Variants in PARVA observed in about 807,000 individuals in gnomAD.
The protein encoded by PARVA is alpha-parvin.
A neutral mutation model predicts 52.6 loss-of-function variants in PARVA; 25 were observed. That is an observed-to-expected ratio of 0.48 (90% CI 0.35 to 0.66). The LOEUF (loss-of-function observed/expected upper bound fraction) is 0.66, where lower values mean the gene tolerates loss of function less well. Among genes scored for constraint, PARVA ranks in the 30% least tolerant of loss-of-function variants. The pLI, the probability that PARVA is intolerant of heterozygous loss-of-function variation, is 0.01. For missense variants in PARVA, 373 were observed against 450.9 expected (o/e 0.83, Z 1.56); for synonymous variants, 185 against 179.1 (o/e 1.03, Z -0.26).
Position 12,533,417 on chromosome 11 carries a change from G to GC in PARVA, c.*5493dup, listed in dbSNP as rs1479613412. On this transcript the variant is annotated 3_prime_UTR_variant, in exon 13 of 13. Transcript: ENST00000334956. ...ACATTTTCAAAATTCATACTAATCA[G>GC]CATGAACTATAACTGCTCCAATGCC... Among the ~76,000 whole-genome samples, 3 of 152,138 alleles carry GC rather than the reference G, an allele frequency of 2.0e-5. No individual in the cohort carries two copies. The highest frequency in any genetic ancestry group is 7.2e-5 in the African/African-American group (3 of 41,426).
chr11:12,402,415 T>C lies in PARVA; in HGVS notation c.136+24632T>C, dbSNP rs572744373. Among the ~76,000 whole-genome samples the C allele has an allele frequency of 2.0e-5, 3 of 152,362 alleles. No homozygotes were observed. In the South Asian group the frequency reaches 6.2e-4, roughly 32 times the overall value. Reference sequence around the variant, plus strand: ...TACAGAGTGGATCTGGAGGGGCAAGTGGATATTTAGCATAGTAAATGTTAA... The same window carrying C: ...TACAGAGTGGATCTGGAGGGGCAAGCGGATATTTAGCATAGTAAATGTTAA... On this transcript the variant is annotated intron_variant, in intron 1 of 12. Transcript: ENST00000334956.
intron 1 of PARVA, among the ~76,000 whole-genome samples, chr11:12,385,101 C>T (rs950260711): frequency 2.6e-5 from 4 of 152,032 alleles, no homozygotes; most frequent in South Asian, 4.1e-4. Flanking sequence ...CTTTGGGAGG[C>T]GAAGTGGGTG....
At chr11:12,515,909 T>C (rs1243713868) in intron 10 of PARVA, among the ~76,000 whole-genome samples, 2 of 152,208 alleles carry the variant, frequency 1.3e-5, no homozygotes, top group African/African-American at 4.8e-5. Flanking sequence ...CGATCACGGC[T>C]TACTGCATCC....
At chr11:12,496,422 C>CA (rs1299765020) in intron 4 of PARVA, 36 bp from the exon 5 acceptor site, 1 of 1,590,810 alleles carries the variant, frequency 6.3e-7, no homozygotes, top group East Asian at 2.3e-5. Flanking sequence ...TGGGGCCCAG[C>CA]ATAACAGCTG....
At chr11:12,403,146 CT>C (rs2134966621) in intron 1 of PARVA, among the ~76,000 whole-genome samples, 1 of 152,342 alleles carries the variant, frequency 6.6e-6, no homozygotes, top group South Asian at 2.1e-4. Context: ...TTCTCTCTCC[CT>C]TTTTCCCAAG....
rs878980930 is a variant in PARVA at position 12,508,567 on chromosome 11, C to A, written c.658-17C>A. The A allele has an allele frequency of 2.5e-6, 4 of 1,592,878 alleles. No homozygotes were observed. Among genetic ancestry groups the A allele is most frequent in the Non-Finnish European group, 3.4e-6 (4 of 1,162,296 alleles). ...TTTCTCTTCTCCTCCCAACCCCTTT[C>A]CCCACCCCCATTTCAGAAACGAGAA... On this transcript the variant is annotated splice_polypyrimidine_tract_variant and intron_variant, in intron 6 of 12. Coordinates refer to ENST00000334956, the MANE Select transcript of PARVA (RefSeq NM_018222.5).
At chr11:12,404,779 T>A (rs1161663343) in intron 1 of PARVA, among the ~76,000 whole-genome samples, 1 of 152,240 alleles carries the variant, frequency 6.6e-6, no homozygotes, top group Non-Finnish European at 1.5e-5. Context: ...AAAGCACTTT[T>A]GGTCCTGGCA....
At chr11:12,394,986 G>A (rs1454317791) in intron 1 of PARVA, among the ~76,000 whole-genome samples, 1 of 151,986 alleles carries the variant, frequency 6.6e-6, no homozygotes, top group East Asian at 1.9e-4. Context: ...AGCTACTTGG[G>A]AGGTGGAGGC....
At chr11:12,424,058 T>C (rs902637769) in intron 1 of PARVA, among the ~76,000 whole-genome samples, 4 of 152,220 alleles carry the variant, frequency 2.6e-5, no homozygotes, top group Admixed American at 6.5e-5. Context: ...GGTATTACTC[T>C]AAATTTTCTA....
chr11:12,395,101 A>G (rs374536507), intron 1 of PARVA, among the ~76,000 whole-genome samples: 1 of 131,248 alleles, frequency 7.6e-6, no homozygotes, highest in Non-Finnish European at 1.7e-5. Context: ...CAAAAAAAAA[A>G]AAAAAAAGAA....
chr11:12,452,787 G>T lies in PARVA; in HGVS notation c.137-20958G>T, dbSNP rs962871201. 13 of 274,114 alleles carry T rather than the reference G, an allele frequency of 4.7e-5. No homozygotes were observed. In the Admixed American group the frequency reaches 5.3e-4, roughly 11 times the overall value. The allele number at this position is 274,114 out of a possible 1,614,324, so 17.0% of individuals were successfully genotyped here. ...TTTGCAGCAGGTCTGTGAGTCTCCA[G>T]TGGCATCGTATTAAATTATATAGGC... On this transcript the variant is annotated intron_variant, in intron 1 of 12. Coordinates refer to ENST00000334956, the MANE Select transcript of PARVA (RefSeq NM_018222.5).
At chr11:12,463,046 TA>T (rs1281957269) in intron 1 of PARVA, among the ~76,000 whole-genome samples, 2 of 150,394 alleles carry the variant, frequency 1.3e-5, no homozygotes, top group African/African-American at 4.8e-5. Flanking sequence ...TATATATTTT[TA>T]GGATAGTTTT....
chr11:12,391,154 C>T (rs962249339), intron 1 of PARVA, among the ~76,000 whole-genome samples: 1 of 152,136 alleles, frequency 6.6e-6, no homozygotes, highest in African/African-American at 2.4e-5. Context: ...CTGTGCTGAA[C>T]GTGGCCGGAG....
In PARVA at chr11:12,403,059, C is replaced by T. The variant is rs1307398795; in HGVS notation, c.136+25276C>T. Among the ~76,000 whole-genome samples the T allele has an allele frequency of 2.6e-5, 4 of 152,372 alleles. No individual in the cohort carries two copies. In the East Asian group the frequency reaches 7.7e-4, roughly 29 times the overall value. On this transcript the variant is annotated intron_variant, in intron 1 of 12. Transcript: ENST00000334956. ...GCACATATTATCAGCCCTGCTGGCA[C>T]ATGCCTCGCTGCCTCCTTCCCCACA...
At chr11:12,484,754 G>A (rs1941136052) in intron 4 of PARVA, among the ~76,000 whole-genome samples, 3 of 150,726 alleles carry the variant, frequency 2.0e-5, no homozygotes, top group Non-Finnish European at 4.4e-5. Context: ...TCAAGTAGGA[G>A]TTTGGGAAAG....
At chr11:12,477,028 T>G (rs931389422) in intron 3 of PARVA, 2 of 152,192 alleles carry the variant, frequency 1.3e-5, no homozygotes, top group African/African-American at 4.8e-5. Flanking sequence ...GAGGGAACTG[T>G]TCTGTATCTC....
intron 1 of PARVA, among the ~76,000 whole-genome samples, chr11:12,465,270 C>T (rs1334156484): frequency 6.6e-6 from 1 of 152,080 alleles, no homozygotes; most frequent in African/African-American, 2.4e-5. Flanking sequence ...ACACTCAGCC[C>T]CTTTGCCATG....
At chr11:12,396,927 G>GTTTTC (rs1471794205) in intron 1 of PARVA, among the ~76,000 whole-genome samples, 1 of 98,262 alleles carries the variant, frequency 1.0e-5, no homozygotes, top group Non-Finnish European at 2.1e-5. Flanking sequence ...TCATGTACTT[G>GTTTTC]TTTTCTTTCC....
At chr11:12,516,822 T>C (rs2135081959) in intron 10 of PARVA, among the ~76,000 whole-genome samples, 1 of 152,320 alleles carries the variant, frequency 6.6e-6, no homozygotes, top group Admixed American at 6.5e-5. Flanking sequence ...CATCCCTGTT[T>C]TACAGATAAG....
Sources: allele counts gnomAD v4.1 joint callset (sites outside exome capture counted in the v4.1 genomes callset), GRCh38; gene constraint gnomAD v4.1.1; transcripts MANE v1.5; gene names NCBI Gene and HGNC (gene_info 2026-07-23, HGNC 2026-07-21).